TMC3: variants seen among roughly 807,000 people sequenced by gnomAD.
TMC3 encodes transmembrane channel-like protein 3.
TMC3 carries 98 observed loss-of-function variants against 110.6 expected under a neutral mutation model. The ratio of observed to expected loss-of-function variants is 0.89; its 90% CI spans 0.75 to 1.05. TMC3 has a LOEUF of 1.05. Among genes scored for constraint, TMC3 ranks in the 50% least tolerant of loss-of-function variants. The pLI, the probability that TMC3 is intolerant of heterozygous loss-of-function variation, is 0.00. For missense variants in TMC3, 1,319 were observed against 1,373.2 expected, an observed-to-expected ratio of 0.96 and a Z score of 0.62; for synonymous variants, 489 against 513.1, an observed-to-expected ratio of 0.95 and a Z score of 0.63.
At chr15:81,367,790 T>C (rs1841517635) in intron 3 of TMC3, among the ~76,000 whole-genome samples, 1 of 152,164 alleles carries the variant, frequency 6.6e-6, no homozygotes, top group Non-Finnish European at 1.5e-5. Flanking sequence ...AATTCATACT[T>C]TTCAACTCTA....
Position 81,356,661 on chromosome 15 carries a change from G to A in TMC3, c.744-67C>T, listed in dbSNP as rs1294171623. ...ATAGGGGGCTGTAGCTAGCACCCAT[G>A]GAGCCTTTGTGTGAATTAGCATAGG... On this transcript the variant is annotated intron_variant, in intron 7 of 21. Coordinates refer to ENST00000359440, the MANE Select transcript of TMC3 (RefSeq NM_001080532.3). 33 of 1,501,428 alleles carry A rather than the reference G, an allele frequency of 2.2e-5. No individual in the cohort carries two copies. The East Asian group carries it at 7.6e-4, about 35-fold the overall frequency. The allele number at this position is 1,501,428 out of a possible 1,614,324, so 93.0% of individuals were successfully genotyped here. A position where few individuals can be genotyped will look rare whatever the true frequency, so the allele number is the denominator to read the frequency against.
At chr15:81,369,479 C>T (rs1038419689) in intron 2 of TMC3, among the ~76,000 whole-genome samples, 2 of 152,174 alleles carry the variant, frequency 1.3e-5, no homozygotes, top group African/African-American at 4.8e-5. Flanking sequence ...ATAGAGCTGT[C>T]TGCTGCAAGT....
In TMC3 at chr15:81,331,117, T is replaced by C. The variant is rs948967593; in HGVS notation, c.*1302A>G. 1 of 152,154 alleles carries C rather than the reference T, an allele frequency of 6.6e-6. No individual in the cohort carries two copies. Among genetic ancestry groups the C allele is most frequent in the Non-Finnish European group, 1.5e-5 (1 of 68,030 alleles). The allele number at this position is 152,154 out of a possible 1,614,324, so 9.4% of individuals were successfully genotyped here. The stretch of plus-strand genomic sequence containing the variant: ...TTCAGGAAAGGTCTTTATTAAAAGG[T>C]GATCACCTGGCTCAGTAGGACTAGC... On this transcript the variant is annotated 3_prime_UTR_variant, in exon 22 of 22. Transcript: ENST00000359440.
intron 3 of TMC3, among the ~76,000 whole-genome samples, chr15:81,362,995 C>G (rs1157534263): frequency 1.3e-5 from 2 of 152,184 alleles, no homozygotes; most frequent in Non-Finnish European, 2.9e-5. Flanking sequence ...CGGTGGCTCA[C>G]GCCTGTAATC....
chr15:81,339,830 GAA>G (rs1489134371), intron 16 of TMC3, among the ~76,000 whole-genome samples: 1 of 152,202 alleles, frequency 6.6e-6, no homozygotes, highest in African/African-American at 2.4e-5. Context: ...TCAATTTATG[GAA>G]AAATCTTAGA....
chr15:81,358,600 T>C, intron 5 of TMC3, 100 bp from the exon 6 acceptor site: 1 of 873,400 alleles, frequency 1.1e-6, no homozygotes, highest in East Asian at 2.7e-5. Flanking sequence ...ATGCCACACA[T>C]AAGAGATCTC....
chr15:81,345,211 A>G (rs1893801356), intron 12 of TMC3, among the ~76,000 whole-genome samples, 200 bp from the exon 13 acceptor site: 1 of 152,196 alleles, frequency 6.6e-6, no homozygotes, highest in Admixed American at 6.5e-5. Flanking sequence ...TGTAATGGAT[A>G]ATATTTATTC....
intron 2 of TMC3, among the ~76,000 whole-genome samples, chr15:81,371,098 T>C (rs796623225): frequency 5.3e-5 from 8 of 152,336 alleles, no homozygotes; most frequent in African/African-American, 1.7e-4. Flanking sequence ...AGCTTAATTC[T>C]AGCACTCAGA....
At chr15:81,373,001 G>T (rs1468226143) in intron 1 of TMC3, among the ~76,000 whole-genome samples, 3 of 152,020 alleles carry the variant, frequency 2.0e-5, no homozygotes, top group Non-Finnish European at 4.4e-5. Context: ...AGAAGATAAT[G>T]ATTTCTCAGG....
chr15:81,334,738 A>G lies in TMC3; in HGVS notation c.2441T>C (p.Leu814Pro). The change falls in exon 21 of 22, where the codon CTA (leucine) becomes CCA (proline). Residue 814 changes from leucine to proline, a missense_variant. Transcript: ENST00000359440. ...SPLPGVPKSR[L>P]EHETNRYLHG... Reference sequence around the variant, plus strand: ...GCCTCACCTGTTAGTTTCATGCTCTAGCCTGGATTTGGGGACCCCAGGGAG... The same window carrying G: ...GCCTCACCTGTTAGTTTCATGCTCTGGCCTGGATTTGGGGACCCCAGGGAG... The G allele has an allele frequency of 1.2e-6, 2 of 1,613,868 alleles. No homozygotes were observed. Among genetic ancestry groups the G allele is most frequent in the Non-Finnish European group, 1.7e-6 (2 of 1,179,840 alleles).
chr15:81,346,765 T>G (rs190999778), intron 11 of TMC3, among the ~76,000 whole-genome samples: 76 of 152,358 alleles, frequency 5.0e-4, no homozygotes, highest in Middle Eastern at 3.4e-3. Flanking sequence ...GTGTAGTTTA[T>G]GAGTCATGCT....
chr15:81,343,657 G>A (rs1893759161), intron 14 of TMC3, among the ~76,000 whole-genome samples: 1 of 151,844 alleles, frequency 6.6e-6, no homozygotes, highest in Non-Finnish European at 1.5e-5. Flanking sequence ...GGGCATGGTG[G>A]CATGTGCCTA....
chr15:81,362,626 A>C (rs763371052), intron 3 of TMC3, among the ~76,000 whole-genome samples: 5 of 152,206 alleles, frequency 3.3e-5, no homozygotes, highest in Non-Finnish European at 7.3e-5. Flanking sequence ...TAGCCATCCC[A>C]TTCCTGATGA....
At chr15:81,357,615 T>A (rs1894093489) in intron 7 of TMC3, among the ~76,000 whole-genome samples, 1 of 152,172 alleles carries the variant, frequency 6.6e-6, no homozygotes, top group African/African-American at 2.4e-5. Context: ...TTGCGTCTTT[T>A]GCATTTTGCC....
Position 81,356,540 on chromosome 15 carries a change from G to A in TMC3, c.798C>T (p.Thr266=), listed in dbSNP as rs1894066053. 6.3e-7 allele frequency: 1 copy of A among 1,583,594 alleles called. No individual in the cohort carries two copies. The highest frequency in any genetic ancestry group is 8.6e-7 in the Non-Finnish European group (1 of 1,164,682). ...SLASASNENY[T]FCWRVFCAWD... ...AGGCACAGAACACCCGCCAGCAGAA[G>A]GTATAGTTTTCATTGGAAGCACTGG... The change falls in exon 8 of 22, where the codon ACC becomes ACT. Residue 266 remains threonine, a synonymous_variant. Coordinates refer to ENST00000359440, the MANE Select transcript of TMC3 (RefSeq NM_001080532.3).
At chr15:81,356,719 G>T in intron 7 of TMC3, 125 bp from the exon 8 acceptor site, 1 of 1,050,414 alleles carries the variant, frequency 9.5e-7, no homozygotes, top group Non-Finnish European at 1.3e-6. Context: ...AGCTCCTCGG[G>T]TCACAGCTTG....
At chr15:81,356,655 A>C in intron 7 of TMC3, 61 bp from the exon 8 acceptor site, 1 of 1,525,176 alleles carries the variant, frequency 6.6e-7, no homozygotes. Context: ...TGTAGCTAGC[A>C]CCCATGGAGC....
chr15:81,365,683 AAAGAAAAAG>A (rs1167146986), intron 3 of TMC3, among the ~76,000 whole-genome samples: 5 of 112,280 alleles, frequency 4.5e-5, no homozygotes, highest in African/African-American at 2.8e-4. Context: ...AAAAAAAAAA[AAAGAAAAAG>A]AAAAAAAAGA....
At position 81,358,285 on chromosome 15, in the gene TMC3, G is replaced by A. The variant is rs2141716788; in HGVS notation, c.607C>T (p.Leu203Phe). 1.9e-6 allele frequency: 3 copies of A among 1,606,408 alleles called. No homozygotes were observed. In the East Asian group the frequency reaches 6.7e-5, roughly 36 times the overall value. Reference protein sequence around the residue: ...LDTVWSLGGYLQYSVLFYGYY... With the variant: ...LDTVWSLGGYFQYSVLFYGYY... ...CCGTAGAAGAGGACAGAGTACTGGAGGTAGCCCTGCAAAGAAAACACTCAG... is the reference window on the plus strand; with the variant it reads ...CCGTAGAAGAGGACAGAGTACTGGAAGTAGCCCTGCAAAGAAAACACTCAG... Residue 203 changes from leucine to phenylalanine, a missense_variant, in exon 7 of 22, where the codon CTC becomes TTC. Coordinates refer to ENST00000359440, the MANE Select transcript of TMC3 (RefSeq NM_001080532.3).
Sources: allele counts gnomAD v4.1 joint callset (sites outside exome capture counted in the v4.1 genomes callset), GRCh38; gene constraint gnomAD v4.1.1; transcripts MANE v1.5; gene names NCBI Gene and HGNC (gene_info 2026-07-23, HGNC 2026-07-21).